The following DSE variants were observed in gnomAD, a reference collection of about 807,000 sequenced individuals.
The protein encoded by DSE is dermatan sulfate epimerase.
A neutral mutation model predicts 84.4 loss-of-function variants in DSE; 36 were observed. The observed-to-expected ratio is 0.43, with a 90% CI of 0.33 to 0.56. The LOEUF (loss-of-function observed/expected upper bound fraction) is 0.56, where lower values mean the gene tolerates loss of function less well. Ranked by LOEUF, DSE falls within the 20% of genes least tolerant of loss-of-function variation. DSE has a pLI of 0.06. For missense variants in DSE, 862 were observed against 1,169.6 expected (o/e 0.74, Z 3.84); for synonymous variants, 410 against 430.1 (o/e 0.95, Z 0.58).
intron 2 of DSE, among the ~76,000 whole-genome samples, chr6:116,300,689 C>T (rs995146133): frequency 6.6e-6 from 1 of 152,210 alleles, no homozygotes; most frequent in Non-Finnish European, 1.5e-5. Context: ...TGTCCTTCCC[C>T]CCTTTCTTTC....
At chr6:116,412,163 A>C (rs1178629184) in intron 2 of DSE, among the ~76,000 whole-genome samples, 1 of 152,206 alleles carries the variant, frequency 6.6e-6, no homozygotes, top group Non-Finnish European at 1.5e-5. Context: ...TTATGGGTTC[A>C]GGGTGTTGTC....
chr6:116,263,873 G>A (rs547621568), intron 2 of DSE, among the ~76,000 whole-genome samples: 89 of 152,164 alleles, frequency 5.8e-4, no homozygotes, highest in Non-Finnish European at 1.1e-3. Flanking sequence ...AGTTTGGCTG[G>A]ATATGAAATT....
chr6:116,269,030 G>GA lies in DSE; in HGVS notation c.-54+10074dup, dbSNP rs538309017. Among the ~76,000 whole-genome samples, 319 of 132,208 alleles carry GA rather than the reference G, an allele frequency of 2.4e-3. 2 individuals carry two copies. The highest frequency in any genetic ancestry group is 6.8e-3 in the African/African-American group (256 of 37,494). The allele number at this position is 132,208 out of a possible 152,430, so 86.7% of individuals were successfully genotyped here. On this transcript the variant is annotated intron_variant, in intron 2 of 3. Coordinates refer to the DSE transcript ENST00000430252. ...TGTGATAATACTTTAAAAAAAAAAA[G>GA]AAAAAAAAAAACCTCATATGCTCCT...
chr6:116,306,326 C>T, intron 2 of DSE, among the ~76,000 whole-genome samples: 1 of 152,160 alleles, frequency 6.6e-6, no homozygotes, highest in East Asian at 1.9e-4. Context: ...AACATACATA[C>T]ACACACAGGT....
At chr6:116,324,622 C>T (rs985457498) in intron 2 of DSE, among the ~76,000 whole-genome samples, 8 of 152,286 alleles carry the variant, frequency 5.3e-5, no homozygotes, top group African/African-American at 1.9e-4. Flanking sequence ...ATGTAAAATA[C>T]AAAGAGAGCT....
At chr6:116,322,000 G>T (rs1276945102) in intron 2 of DSE, among the ~76,000 whole-genome samples, 3 of 152,074 alleles carry the variant, frequency 2.0e-5, no homozygotes, top group Non-Finnish European at 4.4e-5. Context: ...GTTCGGCCGG[G>T]GGCATCAGCA....
chr6:116,280,688 T>A (rs1294353423), intron 2 of DSE, among the ~76,000 whole-genome samples: 1 of 152,240 alleles, frequency 6.6e-6, no homozygotes, highest in East Asian at 1.9e-4. Context: ...TAGAGGGGGA[T>A]GTCAATGTCT....
chr6:116,323,077 T>C (rs1314435462), intron 2 of DSE, among the ~76,000 whole-genome samples: 1 of 152,234 alleles, frequency 6.6e-6, no homozygotes, highest in East Asian at 1.9e-4. Flanking sequence ...TCTGTGATTA[T>C]GGAATCCCAG....
intron 2 of DSE, chr6:116,278,572 C>T (rs751770322): frequency 1.2e-6 from 2 of 1,614,110 alleles, no homozygotes; most frequent in Non-Finnish European, 1.7e-6. Context: ...CCTTAGCGGG[C>T]GACGTCGGGC....
intron 5 of DSE, among the ~76,000 whole-genome samples, chr6:116,433,753 T>A (rs943449739): frequency 6.6e-6 from 1 of 152,170 alleles, no homozygotes; most frequent in African/African-American, 2.4e-5. Context: ...TAAAAAAAAA[T>A]TTCAACTTTT....
chr6:116,315,383 C>T lies in DSE; in HGVS notation c.-54+56416C>T, dbSNP rs367836933. ...ATGCTTTATATTTTTGTTATTTTGT[C>T]AGTCTCCTTGCTTTAGAATGTAAAT... On this transcript the variant is annotated intron_variant, in intron 2 of 3. Coordinates refer to the DSE transcript ENST00000430252. Among the ~76,000 whole-genome samples the T allele has an allele frequency of 1.2e-3, 185 of 151,038 alleles. 6 individuals carry two copies. In the South Asian group the frequency reaches 0.038, roughly 31 times the overall value.
Position 116,435,980 on chromosome 6 carries a change from A to G in DSE, c.1512A>G (p.Glu504=), listed in dbSNP as rs200018749. 8 of 1,614,146 alleles carry G rather than the reference A, an allele frequency of 5.0e-6. No homozygotes were observed. In the Admixed American group the frequency reaches 5.0e-5, roughly 10 times the overall value. ...CFSPWVGQVT[E]DCSSKWSKYK... ...CTCCCTGGGTGGGTCAGGTCACAGA[A>G]GACTGCTCATCAAAATGGTCTAAAT... Residue 504 remains glutamate (E), a synonymous_variant, in exon 6 of 6, where the codon GAA becomes GAG. Coordinates refer to ENST00000644252, the MANE Select transcript of DSE (RefSeq NM_013352.4).
intron 2 of DSE, among the ~76,000 whole-genome samples, chr6:116,284,515 A>T (rs946710154): frequency 6.6e-6 from 1 of 151,670 alleles, no homozygotes; most frequent in Non-Finnish European, 1.5e-5. Flanking sequence ...TCTTTTTTTT[A>T]TTATTATTAT....
At chr6:116,272,064 CATATA>C (rs927181748) in intron 2 of DSE, among the ~76,000 whole-genome samples, 3 of 152,160 alleles carry the variant, frequency 2.0e-5, no homozygotes, top group African/African-American at 7.2e-5. Context: ...TACATGGAAT[CATATA>C]ATATATATTC....
chr6:116,324,623 A>G (rs1352628996), intron 2 of DSE, among the ~76,000 whole-genome samples: 4 of 152,238 alleles, frequency 2.6e-5, no homozygotes, highest in African/African-American at 9.6e-5. Flanking sequence ...TGTAAAATAC[A>G]AAGAGAGCTG....
intron 2 of DSE, among the ~76,000 whole-genome samples, chr6:116,302,982 T>A (rs1225135282): frequency 1.3e-5 from 2 of 152,204 alleles, no homozygotes; most frequent in African/African-American, 4.8e-5. Context: ...GAGGCCTCTG[T>A]TCTGTTCCAC....
intron 2 of DSE, among the ~76,000 whole-genome samples, chr6:116,347,570 C>T (rs944282326): frequency 4.6e-5 from 7 of 152,186 alleles, no homozygotes; most frequent in Admixed American, 4.6e-4. Flanking sequence ...TTAAGTGGTT[C>T]TGGGAAAACT....
intron 2 of DSE, among the ~76,000 whole-genome samples, chr6:116,310,047 C>G (rs902900375): frequency 6.6e-6 from 1 of 152,118 alleles, no homozygotes; most frequent in Non-Finnish European, 1.5e-5. Context: ...TTTATTGTGG[C>G]CAGGTTTTCT....
intron 2 of DSE, among the ~76,000 whole-genome samples, chr6:116,311,651 G>T (rs1220686454): frequency 2.6e-5 from 4 of 152,200 alleles, no homozygotes; most frequent in African/African-American, 9.6e-5. Flanking sequence ...AAGGCCTGTT[G>T]CAGAACATTG....
Sources: allele counts gnomAD v4.1 joint callset (sites outside exome capture counted in the v4.1 genomes callset), GRCh38; gene constraint gnomAD v4.1.1; transcripts MANE v1.5; gene names NCBI Gene and HGNC (gene_info 2026-07-23, HGNC 2026-07-21).